The following BCAS3 variants were observed in gnomAD, a reference collection of about 807,000 sequenced individuals.
BCAS3 encodes the protein BCAS3 microtubule associated cell migration factor, also known as BCAS4/BCAS3 fusion.
BCAS3 carries 53 observed loss-of-function variants against 116.1 expected under a neutral mutation model. That is an observed-to-expected ratio of 0.46 (90% CI 0.37 to 0.57). The LOEUF (loss-of-function observed/expected upper bound fraction) is 0.57, where lower values mean the gene tolerates loss of function less well. Ranked by LOEUF, BCAS3 falls within the 20% of genes least tolerant of loss-of-function variation. BCAS3 has a pLI of 0.00. For missense variants in BCAS3, 917 were observed against 1,165.4 expected, an observed-to-expected ratio of 0.79 and a Z score of 3.10; for synonymous variants, 391 against 408.2, an observed-to-expected ratio of 0.96 and a Z score of 0.51.
chr17:61,027,340 G>T, intron 16 of BCAS3: 1 of 448,020 alleles, frequency 2.2e-6, no homozygotes, highest in South Asian at 1.7e-5. Flanking sequence ...AGTTTTTGTT[G>T]CATTTTATTT....
intron 7 of BCAS3, among the ~76,000 whole-genome samples, chr17:60,837,170 G>C (rs904549232): frequency 1.3e-5 from 2 of 152,104 alleles, no homozygotes; most frequent in Admixed American, 1.3e-4. Flanking sequence ...TTGAACTGTA[G>C]ATTTGTATGT....
chr17:60,741,646 C>T (rs965223249), intron 5 of BCAS3, among the ~76,000 whole-genome samples: 3 of 152,160 alleles, frequency 2.0e-5, no homozygotes, highest in African/African-American at 7.2e-5. Flanking sequence ...TTATGCATTT[C>T]AGTTACCATG....
chr17:61,047,314 C>G (rs987681050), intron 19 of BCAS3, among the ~76,000 whole-genome samples: 1 of 151,944 alleles, frequency 6.6e-6, no homozygotes, highest in Non-Finnish European at 1.5e-5. Context: ...GATGACTTCT[C>G]TGTTATTAGG....
At chr17:60,972,400 A>G (rs2062017720) in intron 14 of BCAS3, among the ~76,000 whole-genome samples, 1 of 150,484 alleles carries the variant, frequency 6.6e-6, no homozygotes, top group African/African-American at 2.5e-5. Flanking sequence ...TACCCTTTGC[A>G]TAAGGTGGGA....
intron 7 of BCAS3, among the ~76,000 whole-genome samples, chr17:60,822,953 G>C (rs927422997): frequency 2.6e-5 from 4 of 152,134 alleles, no homozygotes; most frequent in African/African-American, 9.7e-5. Flanking sequence ...TCAACTTGCA[G>C]CCAACTCAGA....
At chr17:60,916,495 A>C (rs1218531256) in intron 12 of BCAS3, among the ~76,000 whole-genome samples, 1 of 152,208 alleles carries the variant, frequency 6.6e-6, no homozygotes. Context: ...AGGAAATGAC[A>C]ATAAAAGAAG....
rs1471211835 is a variant in BCAS3 at position 61,316,524 on chromosome 17, G to A, written c.2426-51803G>A. ...CTCCTATTTGCCTCCACATGCCGCC[G>A]CGTCCCTTCCACAGCTCCCCTGCAG... is the stretch of plus-strand genomic sequence containing the variant. On this transcript the variant is annotated intron_variant, in intron 22 of 23. Transcript: ENST00000407086. The surrounding 1 kb of genome is among the most constrained non-coding windows in gnomAD (Gnocchi z 5.8). Among the ~76,000 whole-genome samples, 3 of 151,964 alleles carry A rather than the reference G, an allele frequency of 2.0e-5. No homozygotes were observed. The highest frequency in any genetic ancestry group is 2.9e-5 in the Non-Finnish European group (2 of 67,998).
intron 13 of BCAS3, among the ~76,000 whole-genome samples, chr17:60,929,140 G>T (rs2059508004): frequency 6.6e-6 from 1 of 152,198 alleles, no homozygotes; most frequent in Non-Finnish European, 1.5e-5. Context: ...ATAAAATGAG[G>T]TAGGAGCCGG....
At chr17:61,266,395 T>C (rs921432064) in intron 22 of BCAS3, among the ~76,000 whole-genome samples, 5 of 152,334 alleles carry the variant, frequency 3.3e-5, no homozygotes, top group Middle Eastern at 6.8e-3. Context: ...ACGATCTTTC[T>C]TGTATGCTTC....
chr17:60,936,916 A>G (rs1220316635), intron 13 of BCAS3, among the ~76,000 whole-genome samples: 2 of 152,132 alleles, frequency 1.3e-5, no homozygotes, highest in East Asian at 1.9e-4. Context: ...TTGGTGTTTT[A>G]GACATGAAGT....
chr17:61,179,874 C>CTTTTTTTT (rs5821309), intron 22 of BCAS3, among the ~76,000 whole-genome samples: 1 of 124,526 alleles, frequency 8.0e-6, no homozygotes, highest in African/African-American at 3.0e-5. Flanking sequence ...CTCTCTCTCT[C>CTTTTTTTT]TTTTTTTTTT....
intron 7 of BCAS3, chr17:60,811,428 C>T: frequency 1.7e-6 from 1 of 605,622 alleles, no homozygotes; most frequent in Non-Finnish European, 3.0e-6. Context: ...AAAGTGGTGT[C>T]TGAGACCAGC....
At chr17:60,973,752 C>T (rs992742309) in intron 14 of BCAS3, among the ~76,000 whole-genome samples, 21 of 151,762 alleles carry the variant, frequency 1.4e-4, no homozygotes, top group Admixed American at 6.6e-4. Flanking sequence ...GCACCACACC[C>T]GGCTAATTTT....
intron 22 of BCAS3, among the ~76,000 whole-genome samples, chr17:61,270,900 C>G (rs1254627245): frequency 1.3e-5 from 2 of 151,930 alleles, no homozygotes; most frequent in Non-Finnish European, 2.9e-5. Context: ...GCTGGGATTA[C>G]AGGCATATGC....
intron 16 of BCAS3, among the ~76,000 whole-genome samples, chr17:61,031,159 A>C (rs997870706): frequency 2.0e-5 from 3 of 152,032 alleles, no homozygotes; most frequent in African/African-American, 7.2e-5. Flanking sequence ...TTGGAGGAGA[A>C]AGGGAGATGT....
chr17:61,206,433 A>G (rs2081128157), intron 22 of BCAS3, among the ~76,000 whole-genome samples: 1 of 152,178 alleles, frequency 6.6e-6, no homozygotes, highest in Non-Finnish European at 1.5e-5. Flanking sequence ...TAATATATCC[A>G]TAAATGTTGG....
intron 13 of BCAS3, among the ~76,000 whole-genome samples, chr17:60,926,401 G>T (rs2059367212): frequency 6.6e-6 from 1 of 151,998 alleles, no homozygotes; most frequent in African/African-American, 2.4e-5. Flanking sequence ...TTCAAATAAA[G>T]AATGATAGTA....
rs531971250 is a variant in BCAS3 at position 61,285,275 on chromosome 17, G to T, written c.2426-83052G>T. Reference sequence around the variant, plus strand: ...TGTGTGTGTTTCTTGCTAAAATGCAGCAAAGGAAGGGGAAACAAATACAAC... The same window carrying T: ...TGTGTGTGTTTCTTGCTAAAATGCATCAAAGGAAGGGGAAACAAATACAAC... On this transcript the variant is annotated intron_variant, in intron 22 of 23. Coordinates refer to ENST00000407086, the MANE Select transcript of BCAS3 (RefSeq NM_017679.5). This position sits in a 1 kb window ranked among gnomAD's most constrained non-coding sequence, Gnocchi z 5.4. Among the ~76,000 whole-genome samples, 2 of 148,962 alleles carry T rather than the reference G, an allele frequency of 1.3e-5. No individual in the cohort carries two copies. The highest frequency in any genetic ancestry group is 2.9e-5 in the Non-Finnish European group (2 of 67,890).
In BCAS3 at chr17:61,278,078, C is replaced by G. The variant is rs1196543600; in HGVS notation, c.2426-90249C>G. Among the ~76,000 whole-genome samples, 1 of 152,176 alleles carries G rather than the reference C, an allele frequency of 6.6e-6. No homozygotes were observed. Among genetic ancestry groups the G allele is most frequent in the Non-Finnish European group, 1.5e-5 (1 of 68,036 alleles). On this transcript the variant is annotated intron_variant, in intron 22 of 23. Transcript: ENST00000407086. This position sits in a 1 kb window ranked among gnomAD's most constrained non-coding sequence, Gnocchi z 5.8. ...GTTTGACGGAGTCACACTGTGTAGC[C>G]CAGGCTGGAGTGAGGTGGTACAATC...
Sources: gnomAD v4.1 joint callset for allele counts (sites outside exome capture counted in the v4.1 genomes callset) on GRCh38, gnomAD v4.1.1 for gene constraint, Gnocchi (gnomAD v3.1) non-coding constraint, MANE v1.5 for transcripts, NCBI Gene and HGNC (gene_info 2026-07-23, HGNC 2026-07-21) for gene names.